LRMDA: variants seen among roughly 807,000 people sequenced by gnomAD.
LRMDA encodes the protein leucine rich melanocyte differentiation associated.
LRMDA carries 18 observed loss-of-function variants against 29.8 expected under a neutral mutation model. The observed-to-expected ratio is 0.60, with a 90% CI of 0.42 to 0.90. The LOEUF is 0.90. Among genes scored for constraint, LRMDA ranks in the 40% least tolerant of loss-of-function variants. LRMDA has a pLI of 0.00. For missense variants in LRMDA, 273 were observed against 273.9 expected (o/e 1.00, Z 0.02); for synonymous variants, 125 against 109.4 (o/e 1.14, Z -0.89).
At chr10:76,170,186 A>G (rs1280543981) in intron 5 of LRMDA, among the ~76,000 whole-genome samples, 34 of 152,200 alleles carry the variant, frequency 2.2e-4, no homozygotes, top group Admixed American at 2.1e-3. Context: ...CAGTCACCCA[A>G]GAAGGTATAA....
intron 5 of LRMDA, among the ~76,000 whole-genome samples, chr10:76,287,705 T>G (rs900134579): frequency 2.6e-5 from 4 of 152,200 alleles, no homozygotes; most frequent in Non-Finnish European, 5.9e-5. Context: ...ACACCATCAT[T>G]AATTCATTTC....
chr10:76,098,128 T>A (rs1849342157), intron 5 of LRMDA, among the ~76,000 whole-genome samples: 1 of 152,220 alleles, frequency 6.6e-6, no homozygotes, highest in Non-Finnish European at 1.5e-5. Context: ...AGTTTTCTTG[T>A]GATATTTTAT....
At chr10:75,841,399 A>G (rs1398709390) in intron 2 of LRMDA, among the ~76,000 whole-genome samples, 1 of 152,186 alleles carries the variant, frequency 6.6e-6, no homozygotes. Flanking sequence ...GAGCATATGC[A>G]TGTCGACTCA....
At chr10:76,411,987 C>T (rs1343700829) in intron 6 of LRMDA, among the ~76,000 whole-genome samples, 4 of 152,208 alleles carry the variant, frequency 2.6e-5, no homozygotes, top group African/African-American at 7.2e-5. Flanking sequence ...TATTGGGACA[C>T]CTCTTAGTGC....
intron 6 of LRMDA, among the ~76,000 whole-genome samples, chr10:76,325,212 C>T (rs1400554558): frequency 6.6e-6 from 1 of 152,106 alleles, no homozygotes; most frequent in African/African-American, 2.4e-5. Flanking sequence ...GCAGGATGAG[C>T]AGGTGGAAGA....
At chr10:75,593,257 G>C (rs941188486) in intron 2 of LRMDA, among the ~76,000 whole-genome samples, 1 of 152,052 alleles carries the variant, frequency 6.6e-6, no homozygotes, top group Non-Finnish European at 1.5e-5. Flanking sequence ...GTTTTTTCTT[G>C]AGTGCAATAA....
At chr10:76,437,915 A>C (rs1479783878) in intron 6 of LRMDA, among the ~76,000 whole-genome samples, 1 of 152,214 alleles carries the variant, frequency 6.6e-6, no homozygotes. Context: ...ACCATAAGGT[A>C]GGTTGTATCA....
intron 6 of LRMDA, among the ~76,000 whole-genome samples, chr10:76,381,812 C>T (rs1006306238): frequency 6.6e-6 from 1 of 152,146 alleles, no homozygotes; most frequent in African/African-American, 2.4e-5. Flanking sequence ...CCTGTGAAGT[C>T]TCATCTGTTC....
chr10:75,523,049 T>C (rs140964751), intron 2 of LRMDA, among the ~76,000 whole-genome samples: 17 of 152,332 alleles, frequency 1.1e-4, no homozygotes, highest in African/African-American at 4.1e-4. Flanking sequence ...TGGACAATCA[T>C]TTCCCCTCTT....
chr10:76,193,034 T>C (rs1407289784), intron 5 of LRMDA, among the ~76,000 whole-genome samples: 1 of 152,238 alleles, frequency 6.6e-6, no homozygotes, highest in East Asian at 1.9e-4. Flanking sequence ...ATGGCTTCTA[T>C]AAATGCTATA....
intron 5 of LRMDA, among the ~76,000 whole-genome samples, chr10:76,300,896 T>C (rs1193627651): frequency 6.6e-6 from 1 of 152,174 alleles, no homozygotes; most frequent in Non-Finnish European, 1.5e-5. Context: ...CCATCTTGTT[T>C]TTGGGAGTTA....
intron 2 of LRMDA, among the ~76,000 whole-genome samples, chr10:76,027,884 G>A (rs1407169911): frequency 1.3e-5 from 2 of 152,006 alleles, no homozygotes; most frequent in Non-Finnish European, 2.9e-5. Context: ...TTTAATTCCT[G>A]TGTAATATTT....
intron 5 of LRMDA, among the ~76,000 whole-genome samples, chr10:76,288,158 G>T (rs1032344230): frequency 6.6e-6 from 1 of 152,330 alleles, no homozygotes; most frequent in African/African-American, 2.4e-5. Flanking sequence ...TGCTGATGAG[G>T]TTGTGGAGGA....
chr10:76,009,541 G>A (rs940447275), intron 2 of LRMDA, among the ~76,000 whole-genome samples: 1 of 152,104 alleles, frequency 6.6e-6, no homozygotes, highest in African/African-American at 2.4e-5. Context: ...CGGGCCAGGA[G>A]CTCGCAACCT....
chr10:75,797,623 A>G (rs529532316), intron 2 of LRMDA, among the ~76,000 whole-genome samples: 1 of 152,284 alleles, frequency 6.6e-6, no homozygotes, highest in African/African-American at 2.4e-5. Context: ...TAGACATTCC[A>G]TACAAATGAA....
chr10:75,900,280 A>G (rs925319912), intron 2 of LRMDA, among the ~76,000 whole-genome samples: 1 of 152,204 alleles, frequency 6.6e-6, no homozygotes, highest in Non-Finnish European at 1.5e-5. Flanking sequence ...GTTTTAAGGG[A>G]TTTCTAACTT....
chr10:76,368,754 T>A (rs889583372), intron 6 of LRMDA, among the ~76,000 whole-genome samples: 2 of 152,168 alleles, frequency 1.3e-5, no homozygotes, highest in African/African-American at 2.4e-5. Flanking sequence ...TTAGGTCTAT[T>A]AGTAATTGTT....
intron 2 of LRMDA, among the ~76,000 whole-genome samples, chr10:75,493,167 T>C (rs1845006442): frequency 6.6e-6 from 1 of 152,180 alleles, no homozygotes. Context: ...TTAAGATTAA[T>C]AATGGACAGC....
intron 2 of LRMDA, among the ~76,000 whole-genome samples, chr10:75,936,718 A>T (rs746612815): frequency 2.8e-4 from 42 of 152,272 alleles, no homozygotes; most frequent in Admixed American, 9.8e-4. Context: ...GTCTTCACAT[A>T]GGGGCAAACA....
Sources: allele counts gnomAD v4.1 joint callset (sites outside exome capture counted in the v4.1 genomes callset), GRCh38; gene constraint gnomAD v4.1.1; transcripts MANE v1.5; gene names NCBI Gene and HGNC (gene_info 2026-07-23, HGNC 2026-07-21).